PPP2R2B: variants seen among roughly 807,000 people sequenced by gnomAD.
The protein encoded by PPP2R2B is protein phosphatase 2 regulatory subunit Bbeta, also known as serine/threonine-protein phosphatase 2A 55 kDa regulatory subunit B beta isoform.
A neutral mutation model predicts 46.0 loss-of-function variants in PPP2R2B; 5 were observed. That is an observed-to-expected ratio of 0.11 (90% CI 0.06 to 0.23). PPP2R2B has a LOEUF of 0.23. PPP2R2B is among the 10% of genes least tolerant of loss of function. The probability of loss-of-function intolerance (pLI) is 1.00; values close to 1 mark genes in which losing one functional copy is unlikely to be tolerated. For missense variants in PPP2R2B, 367 were observed against 575.0 expected (o/e 0.64, Z 3.70); for synonymous variants, 215 against 206.7 (o/e 1.04, Z -0.34).
intron 1 of PPP2R2B, among the ~76,000 whole-genome samples, chr5:146,890,102 A>C (rs1762449738): frequency 6.6e-6 from 1 of 152,206 alleles, no homozygotes; most frequent in African/African-American, 2.4e-5. Flanking sequence ...AAGGTTAATA[A>C]AAATTTATTG....
At chr5:146,688,477 C>T (rs554317776) in intron 5 of PPP2R2B, among the ~76,000 whole-genome samples, 4 of 151,696 alleles carry the variant, frequency 2.6e-5, no homozygotes, top group Non-Finnish European at 5.9e-5. Context: ...TTTCCCAGTC[C>T]TCTGCTTGGC....
chr5:146,910,079 A>T (rs1294334423), intron 1 of PPP2R2B, among the ~76,000 whole-genome samples: 2 of 152,168 alleles, frequency 1.3e-5, no homozygotes, highest in Non-Finnish European at 2.9e-5. Context: ...AGTCCATTCT[A>T]TGGGATGGAT....
At chr5:146,813,763 T>C (rs371742718) in intron 2 of PPP2R2B, among the ~76,000 whole-genome samples, 6 of 152,162 alleles carry the variant, frequency 3.9e-5, no homozygotes, top group East Asian at 1.9e-4. Context: ...AATCAAAAGA[T>C]GAGGAGACTT....
chr5:146,878,106 C>T lies in PPP2R2B; in HGVS notation c.-35G>A, dbSNP rs1228212154. On this transcript the variant is annotated 5_prime_UTR_variant, in exon 2 of 10. Coordinates refer to ENST00000394411, the MANE Select transcript of PPP2R2B (RefSeq NM_181675.4). This position sits in a 1 kb window ranked among gnomAD's most constrained non-coding sequence, Gnocchi z 4.5. ...GCTTACTTGCGTGGGAACCAGAAGCCGGCAGACAAGTATCCATGATCCCTC... is the reference window on the plus strand; with the variant it reads ...GCTTACTTGCGTGGGAACCAGAAGCTGGCAGACAAGTATCCATGATCCCTC... The T allele has an allele frequency of 1.2e-6, 2 of 1,613,928 alleles. No individual in the cohort carries two copies. The highest frequency in any genetic ancestry group is 1.7e-6 in the Non-Finnish European group (2 of 1,180,002).
At chr5:146,594,080 A>T (rs1770931112) in intron 8 of PPP2R2B, among the ~76,000 whole-genome samples, 1 of 152,178 alleles carries the variant, frequency 6.6e-6, no homozygotes, top group Non-Finnish European at 1.5e-5. Context: ...TCTCCTGAGC[A>T]AGTGGAAGGA....
chr5:146,642,689 A>C (rs1775297563), intron 6 of PPP2R2B, among the ~76,000 whole-genome samples: 1 of 152,154 alleles, frequency 6.6e-6, no homozygotes, highest in Non-Finnish European at 1.5e-5. Context: ...GGGTTTACGA[A>C]TGGTTTTTCT....
At chr5:146,732,042 T>C (rs904791586) in intron 2 of PPP2R2B, among the ~76,000 whole-genome samples, 1 of 152,090 alleles carries the variant, frequency 6.6e-6, no homozygotes, top group African/African-American at 2.4e-5. Context: ...TCTGTGGAGA[T>C]TTTTGATGGA....
intron 1 of PPP2R2B, among the ~76,000 whole-genome samples, chr5:146,964,441 AT>A (rs11463492): frequency 6.6e-6 from 1 of 151,864 alleles, no homozygotes; most frequent in African/African-American, 2.4e-5. Flanking sequence ...ACCTTAGGAT[AT>A]TTTTTTTATC....
intron 5 of PPP2R2B, among the ~76,000 whole-genome samples, chr5:146,675,559 T>C (rs562277051): frequency 2.6e-5 from 4 of 152,292 alleles, no homozygotes; most frequent in East Asian, 1.9e-4. Flanking sequence ...ATGAAACATA[T>C]AGCAAGTGCA....
intron 2 of PPP2R2B, among the ~76,000 whole-genome samples, chr5:147,079,982 T>C (rs768421865): frequency 2.0e-5 from 3 of 152,218 alleles, no homozygotes; most frequent in Non-Finnish European, 2.9e-5. Flanking sequence ...TTCTTTTAAA[T>C]ATAATTTTAT....
At chr5:147,008,447 G>A (rs941444342) in intron 1 of PPP2R2B, among the ~76,000 whole-genome samples, 7 of 152,150 alleles carry the variant, frequency 4.6e-5, no homozygotes, top group Non-Finnish European at 8.8e-5. Flanking sequence ...TCACCCTGGT[G>A]TCTATGCTGT....
At chr5:146,620,885 G>T (rs1773626538) in intron 7 of PPP2R2B, among the ~76,000 whole-genome samples, 1 of 152,176 alleles carries the variant, frequency 6.6e-6, no homozygotes, top group Non-Finnish European at 1.5e-5. Context: ...TATTATTAGG[G>T]GTGATTGCTG....
At chr5:146,693,865 G>T (rs972372592) in intron 4 of PPP2R2B, among the ~76,000 whole-genome samples, 1 of 152,170 alleles carries the variant, frequency 6.6e-6, no homozygotes, top group Non-Finnish European at 1.5e-5. Flanking sequence ...GACAGCTTTA[G>T]CTTCAACCCT....
intron 8 of PPP2R2B, among the ~76,000 whole-genome samples, chr5:146,593,750 AGGGAGTGTGGT>A (rs1307560858): frequency 1.3e-5 from 2 of 152,154 alleles, no homozygotes; most frequent in African/African-American, 4.8e-5. Flanking sequence ...GGAATCCTGG[AGGGAGTGTGGT>A]GGGAGAGGAG....
chr5:146,829,577 G>A (rs1758794683), intron 2 of PPP2R2B, among the ~76,000 whole-genome samples: 1 of 152,160 alleles, frequency 6.6e-6, no homozygotes, highest in African/African-American at 2.4e-5. Flanking sequence ...GAAGTTTCTG[G>A]CAAACAGAGA....
chr5:146,958,095 A>G (rs1225632485), intron 1 of PPP2R2B, among the ~76,000 whole-genome samples: 1 of 152,144 alleles, frequency 6.6e-6, no homozygotes, highest in Non-Finnish European at 1.5e-5. Flanking sequence ...CCAAGACATT[A>G]ATCAAACAAC....
intron 2 of PPP2R2B, among the ~76,000 whole-genome samples, chr5:146,702,921 A>C (rs1445596216): frequency 6.6e-6 from 1 of 152,222 alleles, no homozygotes; most frequent in Non-Finnish European, 1.5e-5. Context: ...TAAGTTTAGA[A>C]GGTCCATTTA....
chr5:146,983,904 A>G (rs1184212078), intron 1 of PPP2R2B, among the ~76,000 whole-genome samples: 1 of 151,844 alleles, frequency 6.6e-6, no homozygotes, highest in Non-Finnish European at 1.5e-5. Context: ...CTTCTTTTCC[A>G]ACATCTGAAA....
chr5:147,057,243 G>A (rs570444093), upstream of PPP2R2B, among the ~76,000 whole-genome samples: 38 of 152,208 alleles, frequency 2.5e-4, no homozygotes, highest in Admixed American at 3.3e-4. Flanking sequence ...TGGCAGTGTC[G>A]GGCCATTTAG....
Sources: gnomAD v4.1 joint callset for allele counts (sites outside exome capture counted in the v4.1 genomes callset) on GRCh38, gnomAD v4.1.1 for gene constraint, Gnocchi (gnomAD v3.1) non-coding constraint, MANE v1.5 for transcripts, NCBI Gene and HGNC (gene_info 2026-07-23, HGNC 2026-07-21) for gene names.